Variants in SRGAP1 observed in about 807,000 individuals in gnomAD.
The protein encoded by SRGAP1 is SLIT-ROBO Rho GTPase-activating protein 1.
Under a neutral mutation model 121.9 loss-of-function variants are expected in SRGAP1, and 43 were observed. That is an observed-to-expected ratio of 0.35 (90% CI 0.28 to 0.46). SRGAP1 has a LOEUF of 0.46. SRGAP1 is among the 20% of genes least tolerant of loss of function. The pLI is 1.00. For missense variants in SRGAP1, 1,102 were observed against 1,350.9 expected (o/e 0.82, Z 2.89); for synonymous variants, 447 against 485.4 (o/e 0.92, Z 1.04).
intron 1 of SRGAP1, among the ~76,000 whole-genome samples, chr12:63,858,225 G>A (rs981644833): frequency 2.7e-5 from 4 of 150,452 alleles, no homozygotes; most frequent in Non-Finnish European, 4.4e-5. Context: ...TGTATACACC[G>A]TTGGATTCAG....
Position 64,145,888 on chromosome 12 carries a change from G to C in SRGAP1, c.*3216G>C, listed in dbSNP as rs2037043997. The C allele has an allele frequency of 6.6e-6, 1 of 152,160 alleles. No homozygotes were observed. The highest frequency in any genetic ancestry group is 2.4e-5 in the African/African-American group (1 of 41,418). The allele number at this position is 152,160 out of a possible 1,614,324, so 9.4% of individuals were successfully genotyped here. On this transcript the variant is annotated 3_prime_UTR_variant, in exon 22 of 22. Coordinates refer to ENST00000355086, the MANE Select transcript of SRGAP1 (RefSeq NM_020762.4). The stretch of plus-strand genomic sequence containing the variant: ...GCTTATCAGGCTTCATGTGCAATTT[G>C]GGGAGGGGAGCTTTTTGATGGTGGG...
intron 6 of SRGAP1, among the ~76,000 whole-genome samples, chr12:64,049,055 T>A (rs1361772642): frequency 2.0e-5 from 3 of 152,202 alleles, no homozygotes; most frequent in African/African-American, 7.2e-5. Flanking sequence ...GCCTCTAGGG[T>A]GTTACTCAAG....
Position 64,007,270 on chromosome 12 carries a change from A to G in SRGAP1, c.427-9680A>G, listed in dbSNP as rs537406122. ...CCAAGGACTGGTTTCATGGAAGGCA[A>G]TTTTTCTAAGGGCAAGGGGATAGTT... On this transcript the variant is annotated intron_variant, in intron 3 of 21. Transcript: ENST00000355086. 3.9e-4 allele frequency among the ~76,000 whole-genome samples: 59 copies of G among 152,148 alleles called. No individual in the cohort carries two copies. The South Asian group carries it at 8.5e-3, about 22-fold the overall frequency.
rs1449154844 is a variant in SRGAP1, at chr12:63,949,169, TA to T, written c.68-34777del. Among the ~76,000 whole-genome samples, 179 of 112,682 alleles carry T rather than the reference TA, an allele frequency of 1.6e-3. 8 individuals carry two copies. Among genetic ancestry groups the T allele is most frequent in the African/African-American group, 5.8e-3 (169 of 29,128 alleles). The allele number at this position is 112,682 out of a possible 152,430, so 73.9% of individuals were successfully genotyped here. A position where few individuals can be genotyped will look rare whatever the true frequency, so the allele number is the denominator to read the frequency against. On this transcript the variant is annotated intron_variant, in intron 1 of 21. Coordinates refer to ENST00000355086, the MANE Select transcript of SRGAP1 (RefSeq NM_020762.4). ...TTCATATATGTATTTTCCATATATA[TA>T]TTTTTTCCATATATATTTTTTTTTC...
At chr12:63,974,419 A>G (rs1290932216) in intron 1 of SRGAP1, among the ~76,000 whole-genome samples, 2 of 152,202 alleles carry the variant, frequency 1.3e-5, no homozygotes, top group Non-Finnish European at 2.9e-5. Flanking sequence ...TAGAATAATG[A>G]ATACAGCCTC....
At chr12:63,917,243 A>T (rs528111312) in intron 1 of SRGAP1, among the ~76,000 whole-genome samples, 11 of 152,282 alleles carry the variant, frequency 7.2e-5, no homozygotes, top group African/African-American at 2.4e-4. Flanking sequence ...TATTGTTATG[A>T]TGAGTAATTA....
intron 4 of SRGAP1, among the ~76,000 whole-genome samples, chr12:64,035,558 A>G (rs535366002): frequency 1.4e-4 from 22 of 152,326 alleles, no homozygotes; most frequent in Non-Finnish European, 2.2e-4. Flanking sequence ...CTGATTCTAG[A>G]GTAACTGTCA....
At chr12:63,875,682 C>A (rs1356995836) in intron 1 of SRGAP1, among the ~76,000 whole-genome samples, 4 of 152,146 alleles carry the variant, frequency 2.6e-5, no homozygotes, top group African/African-American at 9.7e-5. Flanking sequence ...CTTTTAACAA[C>A]TTGGAAGGTA....
intron 1 of SRGAP1, 133 bp from the exon 2 acceptor site, chr12:63,983,814 A>ATTT (rs1270463032): frequency 3.3e-5 from 1 of 30,154 alleles, no homozygotes; most frequent in Non-Finnish European, 6.5e-5. Context: ...ATATATATAT[A>ATTT]TATATATATA....
intron 3 of SRGAP1, among the ~76,000 whole-genome samples, chr12:64,015,673 G>A (rs1245587193): frequency 9.2e-5 from 14 of 152,126 alleles, no homozygotes; most frequent in African/African-American, 3.4e-4. Context: ...CTTGGGCCAG[G>A]ACTAGGACCC....
chr12:64,066,058 C>G (rs942357767), intron 8 of SRGAP1, among the ~76,000 whole-genome samples: 1 of 152,136 alleles, frequency 6.6e-6, no homozygotes, highest in Non-Finnish European at 1.5e-5. Context: ...TCAAGGCTCC[C>G]AATTGTAATT....
rs890007098 is a variant in SRGAP1 at position 64,145,378 on chromosome 12, C to T, written c.*2706C>T. On this transcript the variant is annotated 3_prime_UTR_variant, in exon 22 of 22. Coordinates refer to ENST00000355086, the MANE Select transcript of SRGAP1 (RefSeq NM_020762.4). Reference sequence around the variant, plus strand: ...TCTGATGTGTCCACCTACGGTGGAACGAGGATTGCCTTTCTGTGCTCCCCA... The same window carrying T: ...TCTGATGTGTCCACCTACGGTGGAATGAGGATTGCCTTTCTGTGCTCCCCA... 2 of 152,244 alleles carry T rather than the reference C, an allele frequency of 1.3e-5. No individual in the cohort carries two copies. The highest frequency in any genetic ancestry group is 2.4e-5 in the African/African-American group (1 of 41,432). 9.4% of individuals were successfully genotyped at this position (152,244 alleles called of 1,614,324 possible). A position where few individuals can be genotyped will look rare whatever the true frequency, so the allele number is the denominator to read the frequency against.
intron 9 of SRGAP1, 34 bp from the exon 10 acceptor site, chr12:64,080,252 A>G: frequency 6.4e-7 from 1 of 1,566,290 alleles, no homozygotes; most frequent in Non-Finnish European, 8.6e-7. Context: ...TCAAAAAAAA[A>G]AAAAGATTTA....
At chr12:63,861,302 ATT>A (rs71457100) in intron 1 of SRGAP1, among the ~76,000 whole-genome samples, 14 of 132,588 alleles carry the variant, frequency 1.1e-4, no homozygotes, top group South Asian at 2.5e-4. Context: ...ATATATATAT[ATT>A]TTTTTTTTTT....
chr12:64,114,017 A>G (rs1188308279), intron 17 of SRGAP1, among the ~76,000 whole-genome samples: 1 of 118,402 alleles, frequency 8.4e-6, no homozygotes, highest in Non-Finnish European at 1.7e-5. Flanking sequence ...TAGTTAAATA[A>G]CTGAAAGTAC....
chr12:64,155,600 ATTT>A lies in SRGAP1; in HGVS notation c.*12932_*12934del, dbSNP rs2037158073. ...ATAAACAAGTTCAGGCTTGTTAAAT[ATTT>A]TTTATGTTTGTTTGTTTGCTTTGTT... On this transcript the variant is annotated 3_prime_UTR_variant, in exon 22 of 22. Transcript: ENST00000355086. 1 of 151,690 alleles carries A rather than the reference ATTT, an allele frequency of 6.6e-6. No homozygotes were observed. Among genetic ancestry groups the A allele is most frequent in the African/African-American group, 2.4e-5 (1 of 41,322 alleles). The allele number at this position is 151,690 out of a possible 1,614,324, so 9.4% of individuals were successfully genotyped here.
At chr12:63,948,742 A>G (rs2032132483) in intron 1 of SRGAP1, among the ~76,000 whole-genome samples, 1 of 149,360 alleles carries the variant, frequency 6.7e-6, no homozygotes, top group South Asian at 2.1e-4. Flanking sequence ...CAGCCTATAT[A>G]TATTCCATAT....
chr12:64,135,857 TTTA>T (rs1284235058), intron 21 of SRGAP1, among the ~76,000 whole-genome samples: 1 of 152,054 alleles, frequency 6.6e-6, no homozygotes, highest in African/African-American at 2.4e-5. Context: ...TAAAGGTGAG[TTTA>T]TTATTAACTC....
chr12:64,089,384 C>T (rs955062824), intron 11 of SRGAP1, among the ~76,000 whole-genome samples: 4 of 152,238 alleles, frequency 2.6e-5, no homozygotes, highest in African/African-American at 7.2e-5. Flanking sequence ...TCCTGACCCA[C>T]CCCGGTGCTT....
Sources: allele counts gnomAD v4.1 joint callset (sites outside exome capture counted in the v4.1 genomes callset), GRCh38; gene constraint gnomAD v4.1.1; transcripts MANE v1.5; gene names NCBI Gene and HGNC (gene_info 2026-07-23, HGNC 2026-07-21).